NR3C1: variants seen among roughly 807,000 people sequenced by gnomAD.
NR3C1 encodes nuclear receptor subfamily 3 group C member 1.
Under a neutral mutation model 74.0 loss-of-function variants are expected in NR3C1, and 14 were observed. The observed-to-expected ratio is 0.19, with a 90% CI of 0.12 to 0.30. The LOEUF (loss-of-function observed/expected upper bound fraction) is 0.30, where lower values mean the gene tolerates loss of function less well. Among genes scored for constraint, NR3C1 ranks in the 10% least tolerant of loss-of-function variants. The pLI, the probability that NR3C1 is intolerant of heterozygous loss-of-function variation, is 1.00. For missense variants in NR3C1, 695 were observed against 909.8 expected, an observed-to-expected ratio of 0.76 and a Z score of 3.04; for synonymous variants, 308 against 332.5, an observed-to-expected ratio of 0.93 and a Z score of 0.80.
At chr5:143,414,055 T>C (rs763549234) in intron 1 of NR3C1, among the ~76,000 whole-genome samples, 1 of 152,224 alleles carries the variant, frequency 6.6e-6, no homozygotes, top group Non-Finnish European at 1.5e-5. Flanking sequence ...GAAAATTAAG[T>C]ATAGTTGTTA....
At chr5:143,434,640 G>A (rs1407866904) in exon 1 of NR3C1, 3 of 985,308 alleles carry the variant, frequency 3.0e-6, no homozygotes, top group South Asian at 9.4e-5. Flanking sequence ...CCCGAGGAGG[G>A]TAGGAGCTGC....
chr5:143,397,029 C>T (rs1325452506), intron 2 of NR3C1, among the ~76,000 whole-genome samples: 1 of 151,728 alleles, frequency 6.6e-6, no homozygotes, highest in Non-Finnish European at 1.5e-5. Context: ...TAAGGTTTCT[C>T]TTGTTTTACT....
In NR3C1 at chr5:143,399,951, G is replaced by A. The variant is rs151036949; in HGVS notation, c.889C>T (p.Leu297=). The change falls in exon 2 of 9, where the codon CTG becomes TTG. Residue 297 remains leucine (L), a synonymous_variant. Transcript: ENST00000394464. ...CTTGCCTGACAGTAAACTGTGCCCA[G>A]TTTCTCTTGCTTAATTACCCCAGGG... ...CTPGVIKQEK[L]GTVYCQASFP... The A allele has an allele frequency of 3.2e-5, 52 of 1,614,138 alleles. No homozygotes were observed. The African/African-American group carries it at 5.3e-4, about 17-fold the overall frequency.
At chr5:143,394,176 G>A (rs958080244) in intron 2 of NR3C1, among the ~76,000 whole-genome samples, 6 of 151,914 alleles carry the variant, frequency 3.9e-5, no homozygotes, top group Admixed American at 6.6e-5. Context: ...AAAAGCACTC[G>A]AAATTAATAC....
chr5:143,281,507 A>T lies in NR3C1; in HGVS notation c.*382T>A, dbSNP rs1813094912. 4.1e-6 allele frequency: 1 copy of T among 243,736 alleles called. No homozygotes were observed. The highest frequency in any genetic ancestry group is 8.1e-6 in the Non-Finnish European group (1 of 123,538). 15.1% of individuals were successfully genotyped at this position (243,736 alleles called of 1,614,324 possible). On this transcript the variant is annotated 3_prime_UTR_variant, in exon 9 of 9. Transcript: ENST00000394464. ...GGGGGGATACACCAACAGAAAGTCT[A>T]GAAAATTTCATCCAGCCAACTGTGA...
upstream of NR3C1, among the ~76,000 whole-genome samples, chr5:143,408,624 C>T (rs546833178): frequency 6.6e-6 from 1 of 151,648 alleles, no homozygotes; most frequent in Admixed American, 6.6e-5. Context: ...TTTTTTGTTT[C>T]ATATACACCT....
chr5:143,372,183 G>T (rs1448313662), intron 2 of NR3C1, among the ~76,000 whole-genome samples: 2 of 152,164 alleles, frequency 1.3e-5, no homozygotes, highest in African/African-American at 4.8e-5. Flanking sequence ...GATCTTAGCA[G>T]TCTCAGCATA....
chr5:143,331,797 G>C (rs1825994528), intron 2 of NR3C1, among the ~76,000 whole-genome samples: 1 of 152,146 alleles, frequency 6.6e-6, no homozygotes, highest in Non-Finnish European at 1.5e-5. Flanking sequence ...GGTGGGAAGA[G>C]AATGAAGACT....
chr5:143,378,786 C>T (rs185276997), intron 2 of NR3C1, among the ~76,000 whole-genome samples: 9 of 152,206 alleles, frequency 5.9e-5, no homozygotes, highest in East Asian at 1.9e-4. Context: ...TTCTATATGG[C>T]CCTTTTAATT....
intron 2 of NR3C1, among the ~76,000 whole-genome samples, chr5:143,357,389 G>A (rs984680581): frequency 1.3e-5 from 2 of 152,084 alleles, no homozygotes; most frequent in Admixed American, 6.6e-5. Context: ...AACTATATAT[G>A]GTATACAAAA....
intron 4 of NR3C1, 65 bp downstream of exon 4, chr5:143,310,032 A>T: frequency 8.1e-7 from 1 of 1,237,866 alleles, no homozygotes; most frequent in African/African-American, 1.5e-5. Flanking sequence ...TGTATCTTCA[A>T]AAGTAAAATG....
intron 2 of NR3C1, among the ~76,000 whole-genome samples, chr5:143,362,264 T>C (rs936706272): frequency 6.6e-6 from 1 of 152,148 alleles, no homozygotes; most frequent in Non-Finnish European, 1.5e-5. Flanking sequence ...CATCTATCCC[T>C]TGATTCCTAG....
intron 1 of NR3C1, among the ~76,000 whole-genome samples, chr5:143,413,980 T>A (rs969848329): frequency 1.3e-5 from 2 of 152,152 alleles, no homozygotes; most frequent in Non-Finnish European, 2.9e-5. Context: ...GACATAAACA[T>A]CATATTTTAC....
intron 2 of NR3C1, chr5:143,332,661 T>C (rs1826226493): frequency 1.9e-6 from 3 of 1,582,594 alleles, no homozygotes; most frequent in East Asian, 4.5e-5. Context: ...ACTGGAATCA[T>C]TCCTACATGA....
At chr5:143,424,266 T>C (rs1751416033) in intron 1 of NR3C1, among the ~76,000 whole-genome samples, 1 of 151,876 alleles carries the variant, frequency 6.6e-6, no homozygotes, top group African/African-American at 2.4e-5. Flanking sequence ...GATACGAAAA[T>C]GCAGTCAGAT....
intron 2 of NR3C1, among the ~76,000 whole-genome samples, chr5:143,391,989 G>A (rs938145992): frequency 3.3e-5 from 5 of 150,638 alleles, no homozygotes; most frequent in South Asian, 4.2e-4. Context: ...TTTTTGAGAC[G>A]GAGACTCGCT....
At chr5:143,407,832 C>T (rs1841164985), upstream of NR3C1, among the ~76,000 whole-genome samples, 1 of 152,196 alleles carries the variant, frequency 6.6e-6, no homozygotes. Context: ...CTAAATCAGG[C>T]TGTGCTCCTT....
intron 8 of NR3C1, 24 bp from the exon 9 acceptor site, chr5:143,282,065 A>C (rs1813208710): frequency 1.2e-6 from 2 of 1,613,128 alleles, no homozygotes; most frequent in African/African-American, 1.3e-5. Context: ...TATGGTAATG[A>C]TCAGGCTTCC....
intron 1 of NR3C1, among the ~76,000 whole-genome samples, chr5:143,424,244 G>GT (rs1479536637): frequency 6.7e-6 from 1 of 149,038 alleles, no homozygotes; most frequent in African/African-American, 2.6e-5. Context: ...TAAAAAAGAG[G>GT]GGTGTTTAAT....
Sources: allele counts gnomAD v4.1 joint callset (sites outside exome capture counted in the v4.1 genomes callset), GRCh38; gene constraint gnomAD v4.1.1; transcripts MANE v1.5; gene names NCBI Gene and HGNC (gene_info 2026-07-23, HGNC 2026-07-21).